Variants in GMDS observed in about 807,000 individuals in gnomAD.
The protein encoded by GMDS is GDP-mannose 4,6-dehydratase.
A neutral mutation model predicts 49.9 loss-of-function variants in GMDS; 20 were observed. The observed-to-expected ratio is 0.40, with a 90% CI of 0.28 to 0.58. The LOEUF (loss-of-function observed/expected upper bound fraction) is 0.58. Among genes scored for constraint, GMDS ranks in the 20% least tolerant of loss-of-function variants. The pLI is 0.42. For missense variants in GMDS, 362 were observed against 481.4 expected (o/e 0.75, Z 2.32); for synonymous variants, 177 against 178.6 (o/e 0.99, Z 0.07).
chr6:2,098,214 A>T (rs1292908061), intron 4 of GMDS, among the ~76,000 whole-genome samples: 1 of 152,066 alleles, frequency 6.6e-6, no homozygotes, highest in Non-Finnish European at 1.5e-5. Flanking sequence ...GCCCACCACC[A>T]CACCCGGCTA....
chr6:1,835,422 T>G (rs901991009), intron 7 of GMDS, among the ~76,000 whole-genome samples: 2 of 152,186 alleles, frequency 1.3e-5, no homozygotes, highest in Non-Finnish European at 2.9e-5. Flanking sequence ...GCATTCTTTG[T>G]AGGGAGTTGT....
At chr6:1,896,031 G>A (rs1364202695) in intron 7 of GMDS, among the ~76,000 whole-genome samples, 1 of 152,028 alleles carries the variant, frequency 6.6e-6, no homozygotes, top group Non-Finnish European at 1.5e-5. Context: ...TATGGAAAAG[G>A]AAAAAGAGGA....
At chr6:1,853,375 G>C (rs1032930382) in intron 7 of GMDS, among the ~76,000 whole-genome samples, 1 of 150,528 alleles carries the variant, frequency 6.6e-6, no homozygotes, top group South Asian at 2.1e-4. Flanking sequence ...AAAATTAGCC[G>C]GGCGTGGTAG....
chr6:2,226,711 C>T (rs1486780621), intron 1 of GMDS, among the ~76,000 whole-genome samples: 1 of 152,104 alleles, frequency 6.6e-6, no homozygotes, highest in Non-Finnish European at 1.5e-5. Context: ...TTCTATCACT[C>T]AAAATAATAT....
intron 9 of GMDS, among the ~76,000 whole-genome samples, chr6:1,702,860 G>A (rs901313698): frequency 6.6e-5 from 10 of 152,042 alleles, no homozygotes; most frequent in South Asian, 4.2e-4. Flanking sequence ...AGATAACTTC[G>A]GCTCTGTGAC....
At chr6:1,912,534 T>A (rs889150825) in intron 7 of GMDS, among the ~76,000 whole-genome samples, 2 of 152,060 alleles carry the variant, frequency 1.3e-5, no homozygotes, top group African/African-American at 4.8e-5. Flanking sequence ...CTTATCCAAA[T>A]GTGAAATGTA....
chr6:1,808,326 G>A (rs1413084774), intron 7 of GMDS, among the ~76,000 whole-genome samples: 1 of 152,128 alleles, frequency 6.6e-6, no homozygotes, highest in African/African-American at 2.4e-5. Context: ...AGTCCTGAAG[G>A]TCACGTAACT....
At chr6:2,059,702 C>T (rs1312557741) in intron 4 of GMDS, among the ~76,000 whole-genome samples, 3 of 3,308 alleles carry the variant, frequency 9.1e-4, no homozygotes, top group South Asian at 0.05. Context: ...AGCGAGACTC[C>T]GTCTCAAAAA....
At chr6:1,653,155 C>T (rs59297322) in intron 9 of GMDS, among the ~76,000 whole-genome samples, 1,730 of 152,148 alleles carry the variant, frequency 0.011, 32 homozygotes, top group African/African-American at 0.039. Flanking sequence ...CCCATCTACA[C>T]TCTTATTTGT....
intron 9 of GMDS, among the ~76,000 whole-genome samples, chr6:1,653,456 C>G (rs1412951602): frequency 6.6e-6 from 1 of 152,156 alleles, no homozygotes; most frequent in East Asian, 1.9e-4. Context: ...TTGAAATTTA[C>G]ATGGAATCTC....
intron 1 of GMDS, among the ~76,000 whole-genome samples, chr6:2,183,012 G>C (rs569765437): frequency 6.6e-6 from 1 of 152,214 alleles, no homozygotes; most frequent in South Asian, 2.1e-4. Flanking sequence ...CCAGACAAAA[G>C]ATTATTTGCA....
chr6:2,169,044 T>C (rs1239559521), intron 1 of GMDS, among the ~76,000 whole-genome samples: 1 of 152,208 alleles, frequency 6.6e-6, no homozygotes, highest in Non-Finnish European at 1.5e-5. Flanking sequence ...CAGAGAGAAT[T>C]TGTAGACTTT....
chr6:2,179,398 C>T (rs1405187831), intron 1 of GMDS, among the ~76,000 whole-genome samples: 1 of 152,102 alleles, frequency 6.6e-6, no homozygotes, highest in Non-Finnish European at 1.5e-5. Context: ...AACTTAATGC[C>T]CACTGTGGTA....
intron 4 of GMDS, among the ~76,000 whole-genome samples, chr6:2,082,225 A>T (rs1279373048): frequency 6.6e-6 from 1 of 152,198 alleles, no homozygotes; most frequent in Non-Finnish European, 1.5e-5. Flanking sequence ...GGACTTTTCA[A>T]GAACCCATCA....
chr6:2,022,795 C>A (rs1040827001), intron 4 of GMDS, among the ~76,000 whole-genome samples: 11 of 152,090 alleles, frequency 7.2e-5, no homozygotes, highest in African/African-American at 2.7e-4. Flanking sequence ...AGTTGGAAAT[C>A]AGTTAATTAG....
intron 9 of GMDS, chr6:1,679,250 C>T (rs1561722253): frequency 6.6e-6 from 1 of 152,234 alleles, no homozygotes; most frequent in Admixed American, 6.5e-5. Context: ...GCACTGGATC[C>T]AAACCTGTGC....
intron 4 of GMDS, among the ~76,000 whole-genome samples, chr6:2,010,191 G>A (rs1198420172): frequency 6.6e-6 from 1 of 152,032 alleles, no homozygotes; most frequent in Non-Finnish European, 1.5e-5. Flanking sequence ...GCCAGGTGTG[G>A]TGGTGGTCAC....
At position 2,071,849 on chromosome 6, in the gene GMDS, T is replaced by C. The variant is rs17134648; in HGVS notation, c.345+43922A>G. 2.7e-3 allele frequency among the ~76,000 whole-genome samples: 418 copies of C among 152,320 alleles called. 1 individual carries two copies. The highest frequency in any genetic ancestry group is 9.8e-3 in the African/African-American group (408 of 41,566). ...TCCAAGCTCGAGCTGCTTATGCCAATGTTTCTTACTTTGAATGTGATCTTG... is the reference window on the plus strand; with the variant it reads ...TCCAAGCTCGAGCTGCTTATGCCAACGTTTCTTACTTTGAATGTGATCTTG... On this transcript the variant is annotated intron_variant, in intron 4 of 10. Transcript: ENST00000380815.
At chr6:2,219,229 T>C (rs961650081) in intron 1 of GMDS, among the ~76,000 whole-genome samples, 1 of 152,178 alleles carries the variant, frequency 6.6e-6, no homozygotes, top group Non-Finnish European at 1.5e-5. Context: ...TAGCTGAATA[T>C]ATTACCTACC....
Sources: allele counts gnomAD v4.1 joint callset (sites outside exome capture counted in the v4.1 genomes callset), GRCh38; gene constraint gnomAD v4.1.1; transcripts MANE v1.5; gene names NCBI Gene and HGNC (gene_info 2026-07-23, HGNC 2026-07-21).